Variants in ROGDI observed in about 807,000 individuals in gnomAD.
The protein encoded by ROGDI is protein rogdi homolog.
ROGDI carries 46 observed loss-of-function variants against 43.1 expected under a neutral mutation model. The observed-to-expected ratio is 1.07, with a 90% confidence interval of 0.84 to 1.37. ROGDI has a LOEUF of 1.37. Among genes scored for constraint, ROGDI ranks in the 40% most tolerant of loss-of-function variants. The pLI is 0.00. For missense variants in ROGDI, 518 were observed against 383.9 expected, an observed-to-expected ratio of 1.35 and a Z score of -2.92; for synonymous variants, 243 against 162.0, an observed-to-expected ratio of 1.50 and a Z score of -3.80.
At chr16:4,801,230 T>A in intron 4 of ROGDI, 37 bp downstream of exon 4, 1 of 1,554,238 alleles carries the variant, frequency 6.4e-7, no homozygotes, top group Non-Finnish European at 8.8e-7. Context: ...CTCTTCCCCA[T>A]TGGCAGGATG....
At chr16:4,797,687 T>C (rs2082668399) in intron 10 of ROGDI, 27 bp downstream of exon 10, 1 of 1,613,756 alleles carries the variant, frequency 6.2e-7, no homozygotes. Context: ...GTCCTTCCCC[T>C]AATGAAGGCG....
At chr16:4,797,660 G>C (rs1209599215) in intron 10 of ROGDI, 54 bp downstream of exon 10, 2 of 1,611,794 alleles carry the variant, frequency 1.2e-6, no homozygotes, top group Non-Finnish European at 1.7e-6. Context: ...CTGAGGGTGT[G>C]GCAAGGACCC....
At position 4,798,672 on chromosome 16, in the gene ROGDI, A is replaced by G. The variant is rs971078433; in HGVS notation, c.433-5T>C. On this transcript the variant is annotated splice_region_variant and splice_polypyrimidine_tract_variant and intron_variant, in intron 6 of 10. Coordinates refer to ENST00000322048, the MANE Select transcript of ROGDI (RefSeq NM_024589.3). ...CAGCATCACTGCGTCCATCAGCTGC[A>G]GGGAGAGGCGGGGTTGGCTCTGCGT... The G allele has an allele frequency of 1.0e-5, 16 of 1,558,622 alleles. No homozygotes were observed. The African/African-American group carries it at 2.0e-4, about 20-fold the overall frequency.
intron 2 of ROGDI, chr16:4,801,854 T>C: frequency 1.7e-6 from 1 of 584,446 alleles, no homozygotes; most frequent in South Asian, 2.0e-5. Context: ...CCTCCCAGCT[T>C]GGTTGAGGGG....
At position 4,801,531 on chromosome 16, in the gene ROGDI, G is replaced by C. The variant is rs763609249; in HGVS notation, c.172C>G (p.Gln58Glu). The change falls in exon 3 of 11, where the codon CAA (glutamine) becomes GAA (glutamate). Residue 58 changes from glutamine to glutamate, a missense_variant. Coordinates refer to ENST00000322048, the MANE Select transcript of ROGDI (RefSeq NM_024589.3). The stretch of plus-strand genomic sequence containing the variant: ...CAGCTGCCTAGGATGAAGTTCTCTT[G>C]CTTGGCGGGCCCCTCAGTGCCGGAG... ...PGSGTEGPAK[Q>E]ENFILGSCGT... 3.1e-6 allele frequency: 5 copies of C among 1,607,004 alleles called. No homozygotes were observed. The highest frequency in any genetic ancestry group is 1.1e-5 in the South Asian group (1 of 89,632).
At chr16:4,800,824 G>T in intron 4 of ROGDI, 2 of 567,624 alleles carry the variant, frequency 3.5e-6, no homozygotes, top group South Asian at 4.3e-5. Flanking sequence ...AAGGGGAAGG[G>T]GAAGAGGAAA....
In ROGDI at chr16:4,797,060, T is replaced by G. The variant is rs1022182410; in HGVS notation, c.*400A>C. On this transcript the variant is annotated 3_prime_UTR_variant, in exon 11 of 11. Coordinates refer to ENST00000322048, the MANE Select transcript of ROGDI (RefSeq NM_024589.3). ...TATACTCACTCCTAGGGTGGCTCTG[T>G]CTGTGGCGTTCCTCACCATCCCCGG... The G allele has an allele frequency of 1.3e-5, 3 of 226,272 alleles. No homozygotes were observed. The highest frequency in any genetic ancestry group is 6.8e-5 in the African/African-American group (3 of 44,258). The allele number at this position is 226,272 out of a possible 1,614,324, so 14.0% of individuals were successfully genotyped here.
intron 6 of ROGDI, 24 bp from the exon 7 acceptor site, chr16:4,798,691 T>C (rs1596275683): frequency 6.5e-7 from 1 of 1,528,134 alleles, no homozygotes; most frequent in Non-Finnish European, 8.8e-7. Context: ...CGGGGTTGGC[T>C]CTGCGTCCTC....
intron 6 of ROGDI, among the ~76,000 whole-genome samples, chr16:4,799,429 G>A (rs529674716): frequency 1.1e-3 from 166 of 152,288 alleles, no homozygotes; most frequent in Admixed American, 2.4e-3. Flanking sequence ...CGCGGTTAAT[G>A]TGAAGGCTTT....
At position 4,797,327 on chromosome 16, in the gene ROGDI, A is replaced by G; in HGVS notation, c.*133T>C. The G allele has an allele frequency of 2.6e-6, 2 of 763,066 alleles. No homozygotes were observed. Among genetic ancestry groups the G allele is most frequent in the Non-Finnish European group, 4.2e-6 (2 of 472,684 alleles). The allele number at this position is 763,066 out of a possible 1,614,324, so 47.3% of individuals were successfully genotyped here. Reference sequence around the variant, plus strand: ...CCAGTGTCCATTCCCGGCAGTGCAAATGTGTTAGGTGGGGTAGGGGGTGGG... The same window carrying G: ...CCAGTGTCCATTCCCGGCAGTGCAAGTGTGTTAGGTGGGGTAGGGGGTGGG... On this transcript the variant is annotated 3_prime_UTR_variant, in exon 11 of 11. Coordinates refer to ENST00000322048, the MANE Select transcript of ROGDI (RefSeq NM_024589.3).
At position 4,799,687 on chromosome 16, in the gene ROGDI, T is replaced by C; in HGVS notation, c.431A>G (p.Lys144Arg). The C allele has an allele frequency of 6.2e-7, 1 of 1,611,950 alleles. No homozygotes were observed. The highest frequency in any genetic ancestry group is 8.5e-7 in the Non-Finnish European group (1 of 1,178,668). ...GAGTCAGGCCCGGGGGCAGCTCACC[T>C]TGAGGACCTCAGCGCCCGTCTTGAA... ...YQFKTGAEVL[K>R]LMDAVMLQLT... The change falls in exon 6 of 11, where the codon AAG becomes AGG. Residue 144 changes from lysine (K) to arginine (R), a missense_variant and splice_region_variant. Physicochemically the swap from Lys to Arg is conservative, Grantham distance 26 (BLOSUM62 2). Transcript: ENST00000322048.
intron 6 of ROGDI, among the ~76,000 whole-genome samples, chr16:4,799,118 T>A (rs1030522527): frequency 2.0e-5 from 3 of 152,076 alleles, no homozygotes; most frequent in Non-Finnish European, 2.9e-5. Flanking sequence ...TTCCTTCCCT[T>A]TGCCGTGGAG....
At chr16:4,798,284 T>G in intron 7 of ROGDI, 100 bp from the exon 8 acceptor site, 1 of 987,414 alleles carries the variant, frequency 1.0e-6, no homozygotes, top group Non-Finnish European at 1.6e-6. Context: ...GGGATCCCAG[T>G]CCCCACCCCA....
At position 4,800,761 on chromosome 16, in the gene ROGDI, G is replaced by A. The variant is rs2082705271; in HGVS notation, c.256-183C>T. The A allele has an allele frequency of 5.1e-6, 3 of 591,338 alleles. 1 individual carries two copies. The highest frequency in any genetic ancestry group is 5.7e-4 in the Middle Eastern group (2 of 3,512). 36.6% of individuals were successfully genotyped at this position (591,338 alleles called of 1,614,324 possible). ...GGTTGAACAGGGAGGTCAGGAAACA[G>A]GAAACCAGGCCCAAGAAGAGCCACA... is the stretch of plus-strand genomic sequence containing the variant. On this transcript the variant is annotated intron_variant, in intron 4 of 10. Coordinates refer to ENST00000322048, the MANE Select transcript of ROGDI (RefSeq NM_024589.3).
chr16:4,797,357 G>A lies in ROGDI; in HGVS notation c.*103C>T, dbSNP rs565807247. The A allele has an allele frequency of 3.0e-6, 3 of 1,016,230 alleles. No homozygotes were observed. Among genetic ancestry groups the A allele is most frequent in the South Asian group, 1.5e-5 (1 of 65,464 alleles). The allele number at this position is 1,016,230 out of a possible 1,614,324, so 63.0% of individuals were successfully genotyped here. On this transcript the variant is annotated 3_prime_UTR_variant, in exon 11 of 11. Coordinates refer to ENST00000322048, the MANE Select transcript of ROGDI (RefSeq NM_024589.3). The stretch of plus-strand genomic sequence containing the variant: ...TTAGGTGGGGTAGGGGGTGGGATAG[G>A]GAGATAAATAGCAGCCTGGCGTTGG...
At chr16:4,802,259 C>T (rs1433032848) in intron 2 of ROGDI, 123 bp downstream of exon 2, 2 of 915,366 alleles carry the variant, frequency 2.2e-6, no homozygotes, top group South Asian at 1.4e-5. Context: ...CGGGGCCCTG[C>T]CTGAAAGCCG....
At chr16:4,797,567 G>C in intron 10 of ROGDI, 66 bp from the exon 11 acceptor site, 1 of 968,282 alleles carries the variant, frequency 1.0e-6, no homozygotes, top group East Asian at 4.4e-5. Context: ...AGATGTCAAG[G>C]TCACCCAAGG....
At chr16:4,800,728 C>T (rs189706864) in intron 4 of ROGDI, 150 bp from the exon 5 acceptor site, 28 of 625,076 alleles carry the variant, frequency 4.5e-5, no homozygotes, top group Non-Finnish European at 6.8e-5. Flanking sequence ...ATGCCTTGGC[C>T]GTTTGGGGGT....
At position 4,802,467 on chromosome 16, in the gene ROGDI, C is replaced by G. The variant is rs776356340; in HGVS notation, c.46-14G>C. 1.6e-6 allele frequency: 2 copies of G among 1,255,956 alleles called. No individual in the cohort carries two copies. The highest frequency in any genetic ancestry group is 3.3e-5 in the South Asian group (1 of 30,688). The allele number at this position is 1,255,956 out of a possible 1,614,324, so 77.8% of individuals were successfully genotyped here. On this transcript the variant is annotated splice_polypyrimidine_tract_variant and intron_variant, in intron 1 of 10. Transcript: ENST00000322048. ...GAACTCCTCCTCCTGCGGGACAGAC[C>G]CGGCGGTCGCGCCCGGCCCCGCCGC...
Sources: allele counts gnomAD v4.1 joint callset (sites outside exome capture counted in the v4.1 genomes callset), GRCh38; gene constraint gnomAD v4.1.1; transcripts MANE v1.5; gene names NCBI Gene and HGNC (gene_info 2026-07-23, HGNC 2026-07-21).